JAZF1: variants seen among roughly 807,000 people sequenced by gnomAD.
JAZF1 encodes the protein juxtaposed with another zinc finger protein 1.
A neutral mutation model predicts 26.4 loss-of-function variants in JAZF1; 8 were observed. The ratio of observed to expected loss-of-function variants is 0.30; its 90% CI spans 0.18 to 0.55. The LOEUF is 0.55. Among genes scored for constraint, JAZF1 ranks in the 20% least tolerant of loss-of-function variants. JAZF1 has a pLI of 0.94. For synonymous variants in JAZF1, 126 were observed against 122.3 expected (o/e 1.03, Z -0.20); for missense variants, 199 against 322.0 (o/e 0.62, Z 2.92).
chr7:28,091,520 C>A (rs1296036108), intron 1 of JAZF1, among the ~76,000 whole-genome samples: 1 of 151,120 alleles, frequency 6.6e-6, no homozygotes, highest in Non-Finnish European at 1.5e-5. Flanking sequence ...GTTTTACTTT[C>A]TTTTATGCTC....
chr7:28,059,966 G>A (rs1435334867), intron 1 of JAZF1, among the ~76,000 whole-genome samples: 1 of 151,992 alleles, frequency 6.6e-6, no homozygotes, highest in African/African-American at 2.4e-5. Context: ...TAATGTGTTG[G>A]TATCTTTAAT....
At chr7:28,020,935 G>A in intron 1 of JAZF1, 1 of 312,726 alleles carries the variant, frequency 3.2e-6, no homozygotes, top group South Asian at 2.9e-5. Context: ...AAGTAACCTG[G>A]TTCTTTGGAA....
intron 2 of JAZF1, among the ~76,000 whole-genome samples, chr7:27,973,844 AC>A (rs1382474240): frequency 6.6e-6 from 1 of 152,170 alleles, no homozygotes; most frequent in East Asian, 1.9e-4. Flanking sequence ...CAGCTGGTGG[AC>A]AGGGTTTCAG....
chr7:28,133,535 T>G (rs1474598018), intron 1 of JAZF1, among the ~76,000 whole-genome samples: 2 of 152,194 alleles, frequency 1.3e-5, no homozygotes, highest in Admixed American at 6.5e-5. Flanking sequence ...AGCAGCAACT[T>G]GCTTCCAGGC....
intron 1 of JAZF1, among the ~76,000 whole-genome samples, chr7:28,059,908 T>C (rs1783771186): frequency 6.6e-6 from 1 of 152,234 alleles, no homozygotes; most frequent in African/African-American, 2.4e-5. Context: ...GCTATTTTAC[T>C]ATGCCATATC....
chr7:27,859,763 A>T (rs1783343122), intron 3 of JAZF1, among the ~76,000 whole-genome samples: 1 of 152,212 alleles, frequency 6.6e-6, no homozygotes, highest in Non-Finnish European at 1.5e-5. Context: ...AGAAATACCT[A>T]ATGTAGATGA....
At chr7:27,978,015 A>G (rs139730060) in intron 2 of JAZF1, among the ~76,000 whole-genome samples, 1 of 152,322 alleles carries the variant, frequency 6.6e-6, no homozygotes, top group East Asian at 1.9e-4. Flanking sequence ...TGGAAATTTA[A>G]TTATTTAAAT....
chr7:28,116,788 T>A (rs980903718), intron 1 of JAZF1, among the ~76,000 whole-genome samples: 5 of 151,974 alleles, frequency 3.3e-5, no homozygotes, highest in African/African-American at 1.2e-4. Context: ...TCTGTTCATA[T>A]CCTTTGCCTA....
intron 1 of JAZF1, among the ~76,000 whole-genome samples, chr7:28,019,379 T>A (rs1280656201): frequency 6.6e-6 from 1 of 152,164 alleles, no homozygotes; most frequent in Non-Finnish European, 1.5e-5. Flanking sequence ...CCGGCTTGGA[T>A]TATGCCCCTT....
chr7:28,062,582 C>T (rs185466728), intron 1 of JAZF1, among the ~76,000 whole-genome samples: 3 of 150,688 alleles, frequency 2.0e-5, no homozygotes, highest in Admixed American at 2.0e-4. Context: ...CCGTGATACT[C>T]CAACTCTCCA....
intron 4 of JAZF1, among the ~76,000 whole-genome samples, chr7:27,837,617 G>A (rs1323938346): frequency 1.3e-5 from 2 of 152,216 alleles, no homozygotes; most frequent in Non-Finnish European, 2.9e-5. Context: ...GCGGAGAGGG[G>A]AGTAAGTCTG....
intron 1 of JAZF1, among the ~76,000 whole-genome samples, chr7:28,114,854 T>A (rs557054415): frequency 6.6e-6 from 1 of 151,124 alleles, no homozygotes; most frequent in Non-Finnish European, 1.5e-5. Context: ...GGCTTATAGA[T>A]GAGTAGGAAT....
intron 1 of JAZF1, among the ~76,000 whole-genome samples, chr7:28,160,876 G>A (rs1484022198): frequency 3.3e-5 from 5 of 152,176 alleles, no homozygotes; most frequent in Non-Finnish European, 5.9e-5. Flanking sequence ...TCATTTGGAA[G>A]TTTGTTTTTG....
intron 3 of JAZF1, among the ~76,000 whole-genome samples, chr7:27,889,284 T>A (rs964510236): frequency 6.6e-6 from 1 of 151,380 alleles, no homozygotes; most frequent in South Asian, 2.1e-4. Context: ...TTTCAGAGGT[T>A]CAATGGGGAA....
chr7:28,172,784 C>T (rs983049605), intron 1 of JAZF1, among the ~76,000 whole-genome samples: 1 of 152,080 alleles, frequency 6.6e-6, no homozygotes, highest in South Asian at 2.1e-4. Flanking sequence ...CGGTGGGTGG[C>T]GATCCTATGA....
intron 1 of JAZF1, among the ~76,000 whole-genome samples, chr7:28,169,470 G>A (rs1052376016): frequency 1.3e-5 from 2 of 152,174 alleles, no homozygotes; most frequent in Non-Finnish European, 2.9e-5. Context: ...AGTTACAGGA[G>A]GGCTGCAAAA....
chr7:27,904,941 C>T (rs1017684306), intron 2 of JAZF1, among the ~76,000 whole-genome samples: 1 of 151,990 alleles, frequency 6.6e-6, no homozygotes, highest in Admixed American at 6.6e-5. Flanking sequence ...TTTCTCTCTC[C>T]TTTTCTTTTT....
chr7:27,910,051 T>C (rs1169206624), intron 2 of JAZF1, among the ~76,000 whole-genome samples: 1 of 152,236 alleles, frequency 6.6e-6, no homozygotes, highest in African/African-American at 2.4e-5. Context: ...AGCACTGTTA[T>C]ATAGAGTCTA....
chr7:27,851,846 T>C (rs6953346), intron 3 of JAZF1, among the ~76,000 whole-genome samples: 2,473 of 152,130 alleles, frequency 0.016, 81 homozygotes, highest in African/African-American at 0.057. Flanking sequence ...AAGAATCTGG[T>C]GAGACCTAAA....
Sources: allele counts gnomAD v4.1 joint callset (sites outside exome capture counted in the v4.1 genomes callset), GRCh38; gene constraint gnomAD v4.1.1; transcripts MANE v1.5; gene names NCBI Gene and HGNC (gene_info 2026-07-23, HGNC 2026-07-21).